The following KIAA0319L variants were observed in gnomAD, a reference collection of about 807,000 sequenced individuals.
KIAA0319L encodes dyslexia-associated protein KIAA0319-like protein.
In KIAA0319L, 55 loss-of-function variants were observed where a neutral mutation model predicts 120.1. The observed-to-expected ratio is 0.46, with a 90% CI of 0.37 to 0.57. KIAA0319L has a LOEUF of 0.57. KIAA0319L is among the 20% of genes least tolerant of loss of function. KIAA0319L has a pLI of 0.00. For synonymous variants in KIAA0319L, 398 were observed against 471.9 expected (o/e 0.84, Z 2.03); for missense variants, 1,049 against 1,255.3 (o/e 0.84, Z 2.48).
chr1:35,479,596 C>G (rs1043754415), intron 3 of KIAA0319L, among the ~76,000 whole-genome samples: 1 of 151,736 alleles, frequency 6.6e-6, no homozygotes, highest in Admixed American at 6.6e-5. Flanking sequence ...GCACTGAAAG[C>G]ATAATAAGCC....
chr1:35,531,994 C>T (rs1043560904), intron 2 of KIAA0319L, among the ~76,000 whole-genome samples: 1 of 152,082 alleles, frequency 6.6e-6, no homozygotes, highest in African/African-American at 2.4e-5. Flanking sequence ...GGCGCGGTTG[C>T]TCAGACCTAT....
intron 7 of KIAA0319L, among the ~76,000 whole-genome samples, chr1:35,463,223 G>GC (rs543367656): frequency 9.4e-4 from 143 of 152,296 alleles, no homozygotes; most frequent in South Asian, 2.5e-3. Context: ...AGACCAGACT[G>GC]CCATTCTAAC....
At chr1:35,548,554 T>C (rs1387317592) in intron 2 of KIAA0319L, among the ~76,000 whole-genome samples, 1 of 152,152 alleles carries the variant, frequency 6.6e-6, no homozygotes, top group Non-Finnish European at 1.5e-5. Flanking sequence ...CCTTTAACAT[T>C]TTGTTTTTGG....
rs1451865299 is a variant in KIAA0319L, at chr1:35,456,119, T to G, written c.1550A>C (p.Gln517Pro). 6.2e-7 allele frequency: 1 copy of G among 1,613,878 alleles called. No individual in the cohort carries two copies. The highest frequency in any genetic ancestry group is 8.5e-7 in the Non-Finnish European group (1 of 1,179,990). The change falls in exon 10 of 21, where the codon CAA (glutamine) becomes CCA (proline). Residue 517 changes from glutamine to proline, a missense_variant. By Grantham distance (76) the Gln-to-Pro change is moderately conservative. Coordinates refer to ENST00000325722, the MANE Select transcript of KIAA0319L (RefSeq NM_024874.5). ...AGPNQVITLP[Q>P]NSITLFGNQS... ...GTTCCCAAAGAGGGTGATGGAGTTT[T>G]GGGGCAGGGTGATCACTTGGTTGGG...
intron 2 of KIAA0319L, 150 bp downstream of exon 2, chr1:35,554,200 A>C: frequency 2.0e-6 from 1 of 508,662 alleles, no homozygotes; most frequent in Non-Finnish European, 3.3e-6. Flanking sequence ...AATAAACCCA[A>C]CAGACCTCAG....
chr1:35,454,610 G>A (rs900565396), intron 10 of KIAA0319L, 125 bp from the exon 11 acceptor site: 10 of 1,460,976 alleles, frequency 6.8e-6, no homozygotes, highest in African/African-American at 1.4e-5. Context: ...GGGCTATTAC[G>A]TACCAGTTCA....
At chr1:35,526,836 C>T (rs748218617) in intron 2 of KIAA0319L, among the ~76,000 whole-genome samples, 15 of 151,934 alleles carry the variant, frequency 9.9e-5, no homozygotes, top group African/African-American at 2.9e-4. Context: ...GAGGTCAAGA[C>T]GGAAGGATTG....
At chr1:35,474,124 C>T (rs752865084) in intron 5 of KIAA0319L, among the ~76,000 whole-genome samples, 4 of 152,000 alleles carry the variant, frequency 2.6e-5, no homozygotes, top group Non-Finnish European at 4.4e-5. Flanking sequence ...CTATGGGAAA[C>T]GATGGTCCTT....
chr1:35,543,012 G>T (rs1361925102), intron 2 of KIAA0319L, among the ~76,000 whole-genome samples: 6 of 152,052 alleles, frequency 3.9e-5, no homozygotes, highest in African/African-American at 1.4e-4. Flanking sequence ...TCTTCTAAAG[G>T]GCAAAAAGAA....
chr1:35,513,187 G>A (rs534840320), intron 2 of KIAA0319L, among the ~76,000 whole-genome samples: 1 of 148,304 alleles, frequency 6.7e-6, no homozygotes, highest in African/African-American at 2.5e-5. Context: ...CTACTGAGTA[G>A]AGCTTAAATT....
At chr1:35,516,891 T>C (rs1009460881) in intron 2 of KIAA0319L, among the ~76,000 whole-genome samples, 10 of 151,990 alleles carry the variant, frequency 6.6e-5, no homozygotes, top group African/African-American at 2.2e-4. Context: ...CAAAAATCAC[T>C]AGCATTCCTA....
chr1:35,481,814 C>CTTTTTTTT (rs747721221), intron 3 of KIAA0319L, among the ~76,000 whole-genome samples: 4 of 48,964 alleles, frequency 8.2e-5, no homozygotes, highest in East Asian at 5.4e-4. Context: ...TCTGCTGTTT[C>CTTTTTTTT]TTTTTTTTTT....
chr1:35,542,503 C>A (rs1255487231), intron 2 of KIAA0319L, among the ~76,000 whole-genome samples: 1 of 152,162 alleles, frequency 6.6e-6, no homozygotes, highest in Admixed American at 6.5e-5. Context: ...GGCTACAGGA[C>A]CTTAACCATA....
intron 3 of KIAA0319L, among the ~76,000 whole-genome samples, chr1:35,495,874 A>AAC (rs918838967): frequency 3.3e-5 from 5 of 151,960 alleles, no homozygotes; most frequent in African/African-American, 1.2e-4. Flanking sequence ...AAAAAAAAAA[A>AAC]AAAAAACATG....
intron 16 of KIAA0319L, among the ~76,000 whole-genome samples, chr1:35,445,317 C>CA (rs577253384): frequency 1.7e-4 from 25 of 151,474 alleles, no homozygotes; most frequent in Non-Finnish European, 2.7e-4. Flanking sequence ...AACAAACAAA[C>CA]AAAAAAAAAC....
chr1:35,443,886 C>T (rs1188518905), intron 17 of KIAA0319L: 3 of 279,040 alleles, frequency 1.1e-5, no homozygotes, highest in African/African-American at 6.6e-5. Context: ...TTGAAGTAAA[C>T]AGTGAGTTTC....
intron 2 of KIAA0319L, chr1:35,510,119 T>C (rs552266542): frequency 6.6e-6 from 1 of 152,196 alleles, no homozygotes; most frequent in Non-Finnish European, 1.5e-5. Flanking sequence ...CGAATACAAC[T>C]CTTCCTCTTT....
intron 9 of KIAA0319L, among the ~76,000 whole-genome samples, chr1:35,458,012 T>C (rs1340111630): frequency 6.6e-6 from 1 of 152,186 alleles, no homozygotes; most frequent in African/African-American, 2.4e-5. Flanking sequence ...CTCGGCTCAC[T>C]GCAAGCTCCG....
chr1:35,435,149 A>C (rs913838303), intron 20 of KIAA0319L, 68 bp from the exon 21 acceptor site: 1 of 1,423,490 alleles, frequency 7.0e-7, no homozygotes, highest in Admixed American at 1.8e-5. Flanking sequence ...CCCACACCTT[A>C]CCCCAGCCTG....
Sources: allele counts gnomAD v4.1 joint callset (sites outside exome capture counted in the v4.1 genomes callset), GRCh38; gene constraint gnomAD v4.1.1; transcripts MANE v1.5; gene names NCBI Gene and HGNC (gene_info 2026-07-23, HGNC 2026-07-21).